The following ADGB variants were observed in gnomAD, a reference collection of about 807,000 sequenced individuals.
ADGB encodes the protein androglobin.
Under a neutral mutation model 210.5 loss-of-function variants are expected in ADGB, and 172 were observed. That is an observed-to-expected ratio of 0.82 (90% CI 0.72 to 0.93). The LOEUF is 0.93. ADGB is among the 40% of genes least tolerant of loss of function. The probability of loss-of-function intolerance (pLI) is 0.00; values close to 1 mark genes in which losing one functional copy is unlikely to be tolerated. For synonymous variants in ADGB, 658 were observed against 662.7 expected, an observed-to-expected ratio of 0.99 and a Z score of 0.11; for missense variants, 2,025 against 1,964.8, an observed-to-expected ratio of 1.03 and a Z score of -0.58.
chr6:146,815,440 T>C lies in ADGB; in HGVS notation c.*223T>C, dbSNP rs557533658. The C allele has an allele frequency of 3.3e-4, 98 of 296,508 alleles. 1 individual carries two copies. In the South Asian group the frequency reaches 8.4e-3, roughly 25 times the overall value. 18.4% of individuals were successfully genotyped at this position (296,508 alleles called of 1,614,324 possible). The stretch of plus-strand genomic sequence containing the variant: ...AATAAAATAGCTTCCAAATATTTAA[T>C]AAAATATGTTTGACACTCTAAACTG... On this transcript the variant is annotated 3_prime_UTR_variant, in exon 36 of 36. Coordinates refer to ENST00000397944, the MANE Select transcript of ADGB (RefSeq NM_024694.4).
chr6:146,694,268 C>A (rs1052549447), intron 12 of ADGB, among the ~76,000 whole-genome samples: 2 of 152,256 alleles, frequency 1.3e-5, no homozygotes, highest in Non-Finnish European at 1.5e-5. Flanking sequence ...AAAAATTTAT[C>A]TCTCATACTT....
intron 6 of ADGB, among the ~76,000 whole-genome samples, chr6:146,665,159 C>T (rs1380219566): frequency 2.0e-5 from 3 of 152,072 alleles, no homozygotes; most frequent in Non-Finnish European, 2.9e-5. Flanking sequence ...CATGCTTTAA[C>T]AGTACATGTT....
At chr6:146,771,635 G>A (rs1265204321) in intron 29 of ADGB, among the ~76,000 whole-genome samples, 2 of 152,112 alleles carry the variant, frequency 1.3e-5, no homozygotes, top group Admixed American at 6.5e-5. Context: ...ATAATGGATG[G>A]TACAAATCAT....
chr6:146,624,507 C>A (rs898258472), intron 1 of ADGB, among the ~76,000 whole-genome samples: 7 of 151,620 alleles, frequency 4.6e-5, no homozygotes, highest in African/African-American at 1.5e-4. Flanking sequence ...AAATTGTGGT[C>A]TTTGATCTGC....
chr6:146,741,748 T>C (rs1188782445), intron 25 of ADGB, among the ~76,000 whole-genome samples: 1 of 152,210 alleles, frequency 6.6e-6, no homozygotes, highest in African/African-American at 2.4e-5. Context: ...CCAGAGGTAC[T>C]TGGGGACCTT....
chr6:146,683,606 T>A (rs567348933), intron 9 of ADGB, among the ~76,000 whole-genome samples: 1 of 151,140 alleles, frequency 6.6e-6, no homozygotes, highest in Non-Finnish European at 1.5e-5. Flanking sequence ...TGGAGCAAAT[T>A]TTTTTGTCAT....
At chr6:146,712,189 T>TG (rs1554237042) in intron 13 of ADGB, among the ~76,000 whole-genome samples, 3 of 151,902 alleles carry the variant, frequency 2.0e-5, no homozygotes, top group African/African-American at 7.3e-5. Context: ...GTTTTGTTTT[T>TG]TTTTGTTTTG....
At chr6:146,724,110 TA>T (rs567231845) in intron 17 of ADGB, 75 bp from the exon 18 acceptor site, 21 of 1,198,142 alleles carry the variant, frequency 1.8e-5, no homozygotes, top group Middle Eastern at 2.0e-4. Flanking sequence ...TGTTACTTAA[TA>T]AAAAAAGACA....
rs57913607 is a variant in ADGB, at chr6:146,650,597, C to CAAAAAA, written c.331-3506_331-3501dup. 6.6e-4 allele frequency among the ~76,000 whole-genome samples: 24 copies of CAAAAAA among 36,562 alleles called. 3 individuals are homozygous for CAAAAAA. The highest frequency in any genetic ancestry group is 2.0e-3 in the African/African-American group (15 of 7,448). The allele number at this position is 36,562 out of a possible 152,430, so 24.0% of individuals were successfully genotyped here. A position where few individuals can be genotyped will look rare whatever the true frequency, so the allele number is the denominator to read the frequency against. ...ATAAATACTCCTGAGTCCCTCCCAC[C>CAAAAAA]AAAAAAAAAAAAAAAAAAAAAAAAA... On this transcript the variant is annotated intron_variant, in intron 3 of 35. Transcript: ENST00000397944.
chr6:146,713,443 A>G (rs1776687543), intron 13 of ADGB, among the ~76,000 whole-genome samples: 1 of 152,184 alleles, frequency 6.6e-6, no homozygotes, highest in Non-Finnish European at 1.5e-5. Context: ...CCTAATGGGC[A>G]TGAAATGGTG....
intron 2 of ADGB, chr6:146,638,815 C>T (rs1775466536): frequency 6.8e-6 from 1 of 146,284 alleles, no homozygotes; most frequent in Admixed American, 7.2e-5. Flanking sequence ...CTTAATGTAA[C>T]AGAAATGTAT....
At chr6:146,613,896 T>C (rs1780746818) in intron 1 of ADGB, among the ~76,000 whole-genome samples, 1 of 151,896 alleles carries the variant, frequency 6.6e-6, no homozygotes, top group South Asian at 2.1e-4. Context: ...ATAAATAATA[T>C]TTTAATAAAA....
intron 1 of ADGB, among the ~76,000 whole-genome samples, chr6:146,625,736 A>G (rs895711086): frequency 5.9e-5 from 9 of 152,070 alleles, no homozygotes; most frequent in African/African-American, 2.2e-4. Context: ...TGCCAGCACC[A>G]TGCTTCCTAT....
chr6:146,729,746 A>C (rs183525414), intron 20 of ADGB, among the ~76,000 whole-genome samples: 1 of 152,172 alleles, frequency 6.6e-6, no homozygotes, highest in African/African-American at 2.4e-5. Flanking sequence ...CCTGGCCAAC[A>C]TGGGATACTT....
rs142227084 is a variant in ADGB, at chr6:146,694,674, A to T, written c.1577+1759A>T. Among the ~76,000 whole-genome samples, 264 of 152,286 alleles carry T rather than the reference A, an allele frequency of 1.7e-3. 3 individuals are homozygous for T. The East Asian group carries it at 0.026, about 15-fold the overall frequency. ...TAAAATAATACATTGCAGCTTTTTT[A>T]GCTCCCTATCTACATGAAAAATCTT... On this transcript the variant is annotated intron_variant, in intron 12 of 35. Transcript: ENST00000397944.
chr6:146,646,184 T>TAGGATGTTAC (rs1384691832), intron 3 of ADGB, among the ~76,000 whole-genome samples: 2 of 152,054 alleles, frequency 1.3e-5, no homozygotes, highest in Non-Finnish European at 2.9e-5. Context: ...GGATGTTACT[T>TAGGATGTTAC]TTTAGTATGT....
At chr6:146,789,457 CCAA>C (rs2114652242) in intron 33 of ADGB, among the ~76,000 whole-genome samples, 1 of 152,262 alleles carries the variant, frequency 6.6e-6, no homozygotes, top group African/African-American at 2.4e-5. Context: ...CTCAGAAAAG[CCAA>C]CAATGGTTCT....
intron 1 of ADGB, among the ~76,000 whole-genome samples, chr6:146,628,929 C>A (rs1381305935): frequency 6.6e-6 from 1 of 151,878 alleles, no homozygotes; most frequent in Non-Finnish European, 1.5e-5. Context: ...TAAATGTTAC[C>A]AAATTTAAGA....
chr6:146,802,792 C>G (rs1395293055), intron 35 of ADGB: 1 of 1,605,496 alleles, frequency 6.2e-7, no homozygotes, highest in Non-Finnish European at 8.5e-7. Context: ...TAGATGAAAT[C>G]TCTCAATGTA....
Sources: allele counts gnomAD v4.1 joint callset (sites outside exome capture counted in the v4.1 genomes callset), GRCh38; gene constraint gnomAD v4.1.1; transcripts MANE v1.5; gene names NCBI Gene and HGNC (gene_info 2026-07-23, HGNC 2026-07-21).